The following KLF12 variants were observed in gnomAD, a reference collection of about 807,000 sequenced individuals.
KLF12 encodes the protein KLF transcription factor 12.
Under a neutral mutation model 37.8 loss-of-function variants are expected in KLF12, and 9 were observed. The ratio of observed to expected loss-of-function variants is 0.24; its 90% CI spans 0.14 to 0.42. KLF12 has a LOEUF of 0.42. Ranked by LOEUF, KLF12 falls within the 10% of genes least tolerant of loss-of-function variation. The pLI, the probability that KLF12 is intolerant of heterozygous loss-of-function variation, is 1.00. For synonymous variants in KLF12, 208 were observed against 202.1 expected (o/e 1.03, Z -0.25); for missense variants, 411 against 516.0 (o/e 0.80, Z 1.97).
intron 3 of KLF12, among the ~76,000 whole-genome samples, chr13:73,914,738 T>C (rs1038338408): frequency 1.3e-5 from 2 of 152,178 alleles, no homozygotes; most frequent in African/African-American, 4.8e-5. Flanking sequence ...AGCAAAAATA[T>C]AGTTTCTTTA....
the KLF12 span, among the ~76,000 whole-genome samples, chr13:74,192,843 T>A: frequency 1 from 152,283 of 152,342 alleles, 76,112 homozygotes; most frequent in Middle Eastern, 1. Flanking sequence ...TTATGCTGGC[T>A]TAGTGTTTAT....
chr13:74,078,758 C>G (rs1255359167), intron 1 of KLF12, among the ~76,000 whole-genome samples: 1 of 152,112 alleles, frequency 6.6e-6, no homozygotes, highest in Non-Finnish European at 1.5e-5. Flanking sequence ...TTCTCTGTTC[C>G]TGAGTTAAAT....
At chr13:74,212,699 TC>T in the KLF12 span, among the ~76,000 whole-genome samples, 2 of 152,126 alleles carry the variant, frequency 1.3e-5, no homozygotes, top group Admixed American at 6.6e-5. Flanking sequence ...ATAATTGATT[TC>T]AGGAAAACTG....
the KLF12 span, among the ~76,000 whole-genome samples, chr13:74,251,533 A>T: frequency 6.6e-6 from 1 of 152,020 alleles, no homozygotes; most frequent in African/African-American, 2.4e-5. Context: ...CCTGCATTCC[A>T]CTGAGGTCTG....
intron 1 of KLF12, among the ~76,000 whole-genome samples, chr13:74,107,081 G>A (rs1320137714): frequency 2.0e-5 from 3 of 151,940 alleles, no homozygotes; most frequent in Non-Finnish European, 4.4e-5. Flanking sequence ...CCCACAGATG[G>A]CGCTTGTCTT....
chr13:74,200,789 G>A, the KLF12 span, among the ~76,000 whole-genome samples: 4,863 of 152,094 alleles, frequency 0.032, 115 homozygotes, highest in Middle Eastern at 0.071. Context: ...AAAACTGAGC[G>A]AATGGCCCTT....
At chr13:73,985,346 A>G (rs907419618) in intron 2 of KLF12, among the ~76,000 whole-genome samples, 1 of 152,238 alleles carries the variant, frequency 6.6e-6, no homozygotes, top group Admixed American at 6.5e-5. Context: ...CAAGGTGCCC[A>G]GATTCCAACT....
chr13:74,134,936 C>G (rs1878486909), upstream of KLF12, among the ~76,000 whole-genome samples: 1 of 151,844 alleles, frequency 6.6e-6, no homozygotes, highest in African/African-American at 2.4e-5. Flanking sequence ...AAGGTGTGGG[C>G]GGAGCCGGCC....
the KLF12 span, among the ~76,000 whole-genome samples, chr13:74,297,712 G>A: frequency 2.3e-4 from 35 of 152,222 alleles, no homozygotes; most frequent in African/African-American, 7.9e-4. Context: ...CATTGGTATG[G>A]CCCATGTTAT....
At chr13:74,241,969 C>A in the KLF12 span, among the ~76,000 whole-genome samples, 2 of 152,172 alleles carry the variant, frequency 1.3e-5, no homozygotes, top group Non-Finnish European at 2.9e-5. Flanking sequence ...GGCTCCTCCC[C>A]CCAGGTACCG....
intron 1 of KLF12, among the ~76,000 whole-genome samples, chr13:74,066,653 TTA>T (rs1403444345): frequency 1.3e-5 from 2 of 152,120 alleles, no homozygotes; most frequent in Non-Finnish European, 1.5e-5. Flanking sequence ...TTTAGATAAA[TTA>T]TAGTTTTAAT....
chr13:74,234,847 C>G, the KLF12 span, among the ~76,000 whole-genome samples: 11 of 151,902 alleles, frequency 7.2e-5, no homozygotes, highest in African/African-American at 2.7e-4. Flanking sequence ...ATGGAAAGGT[C>G]TTTTTCTTTT....
At chr13:73,867,150 G>T (rs933762408) in intron 3 of KLF12, among the ~76,000 whole-genome samples, 2 of 151,910 alleles carry the variant, frequency 1.3e-5, no homozygotes, top group African/African-American at 4.8e-5. Flanking sequence ...TAGTTTTTAT[G>T]GTTTTAAAAT....
At chr13:74,160,342 T>G in the KLF12 span, among the ~76,000 whole-genome samples, 1 of 152,230 alleles carries the variant, frequency 6.6e-6, no homozygotes. Context: ...ATCTACCAGG[T>G]CTGTTTTATT....
the KLF12 span, among the ~76,000 whole-genome samples, chr13:74,223,662 T>G: frequency 6.6e-6 from 1 of 152,160 alleles, no homozygotes; most frequent in Non-Finnish European, 1.5e-5. Flanking sequence ...TTCCCACCAC[T>G]TATGTGTTGG....
intron 4 of KLF12, among the ~76,000 whole-genome samples, chr13:73,839,045 G>A (rs538554886): frequency 4.0e-5 from 6 of 151,458 alleles, no homozygotes; most frequent in South Asian, 2.1e-4. Context: ...GAGGAGATGC[G>A]TCCTTTTGTT....
intron 1 of KLF12, among the ~76,000 whole-genome samples, chr13:74,133,205 T>C (rs2139038338): frequency 6.6e-6 from 1 of 152,204 alleles, no homozygotes; most frequent in East Asian, 1.9e-4. Context: ...CATCTCCGCC[T>C]TAACCCCTTC....
upstream of KLF12, among the ~76,000 whole-genome samples, chr13:74,134,766 G>C (rs1280153025): frequency 6.6e-6 from 1 of 151,936 alleles, no homozygotes; most frequent in Admixed American, 6.6e-5. Context: ...TTTTGTGTCA[G>C]AGCGCGCCAG....
At position 73,937,184 on chromosome 13, in the gene KLF12, G is replaced by A. The variant is rs568321728; in HGVS notation, c.123+6797C>T. 3.5e-3 allele frequency among the ~76,000 whole-genome samples: 395 copies of A among 112,904 alleles called. 3 individuals carry two copies. Among genetic ancestry groups the A allele is most frequent in the Non-Finnish European group, 5.6e-3 (294 of 52,304 alleles). The allele number at this position is 112,904 out of a possible 152,430, so 74.1% of individuals were successfully genotyped here. ...CAGCCTGGCGACAGAGCGAGACTCC[G>A]TCTCAAAAAAAAATAAATAAATAAA... On this transcript the variant is annotated intron_variant, in intron 3 of 7. Transcript: ENST00000377669.
Sources: allele counts gnomAD v4.1 joint callset (sites outside exome capture counted in the v4.1 genomes callset), GRCh38; gene constraint gnomAD v4.1.1; transcripts MANE v1.5; gene names NCBI Gene and HGNC (gene_info 2026-07-23, HGNC 2026-07-21).